Variants in HDAC2 observed in about 807,000 individuals in gnomAD.
HDAC2 encodes YY1-associated factor 1.
A neutral mutation model predicts 68.5 loss-of-function variants in HDAC2; 5 were observed. The ratio of observed to expected loss-of-function variants is 0.07; its 90% CI spans 0.04 to 0.15. HDAC2 has a LOEUF of 0.15. Ranked by LOEUF, HDAC2 falls within the 10% of genes least tolerant of loss-of-function variation. The pLI, the probability that HDAC2 is intolerant of heterozygous loss-of-function variation, is 1.00. For missense variants in HDAC2, 291 were observed against 600.8 expected, an observed-to-expected ratio of 0.48 and a Z score of 5.39; for synonymous variants, 182 against 191.3, an observed-to-expected ratio of 0.95 and a Z score of 0.40.
intron 6 of HDAC2, among the ~76,000 whole-genome samples, chr6:113,949,767 C>T (rs76308981): frequency 1.0e-3 from 156 of 152,130 alleles, no homozygotes; most frequent in African/African-American, 3.7e-3. Context: ...CAGCTACCGA[C>T]TAAAGCACCA....
intron 1 of HDAC2, among the ~76,000 whole-genome samples, chr6:113,962,734 C>T (rs192478215): frequency 3.6e-4 from 55 of 151,924 alleles, no homozygotes; most frequent in Non-Finnish European, 7.1e-4. Context: ...GAGGCCGAGG[C>T]GGGCAGATCA....
chr6:113,937,261 TCAG>T lies in HDAC2; in HGVS notation c.*3794_*3796del, dbSNP rs762465917. ...ATGAATCGCAGTTATCAAAAAAACT[TCAG>T]CAGTATTACTACATCAAAACCATAA... On this transcript the variant is annotated 3_prime_UTR_variant, in exon 14 of 14. Coordinates refer to ENST00000519065, the MANE Select transcript of HDAC2 (RefSeq NM_001527.4). 2 of 152,216 alleles carry T rather than the reference TCAG, an allele frequency of 1.3e-5. No individual in the cohort carries two copies. The highest frequency in any genetic ancestry group is 2.9e-5 in the Non-Finnish European group (2 of 68,038). The allele number at this position is 152,216 out of a possible 1,614,324, so 9.4% of individuals were successfully genotyped here.
At chr6:113,949,481 A>T (rs1351437365) in intron 6 of HDAC2, among the ~76,000 whole-genome samples, 2 of 152,016 alleles carry the variant, frequency 1.3e-5, no homozygotes, top group Non-Finnish European at 2.9e-5. Context: ...AGCATACAAG[A>T]ACCATTTTCA....
intron 5 of HDAC2, among the ~76,000 whole-genome samples, chr6:113,954,114 A>C (rs1171574341): frequency 6.6e-6 from 1 of 152,266 alleles, no homozygotes; most frequent in Non-Finnish European, 1.5e-5. Context: ...AACGCAGTTT[A>C]GGAGTCACAT....
At chr6:113,945,920 G>A in intron 9 of HDAC2, 88 bp downstream of exon 9, 4 of 994,504 alleles carry the variant, frequency 4.0e-6, no homozygotes, top group Non-Finnish European at 6.3e-6. Flanking sequence ...ACTTATGATG[G>A]GTTTATCAGG....
chr6:113,959,775 G>C (rs1270479791), intron 2 of HDAC2, 131 bp downstream of exon 2: 1 of 586,666 alleles, frequency 1.7e-6, no homozygotes, highest in East Asian at 2.8e-5. Flanking sequence ...AACGAAAAAA[G>C]AAGTTTGTTT....
At position 113,936,029 on chromosome 6, in the gene HDAC2, T is replaced by C. The variant is rs1357149378; in HGVS notation, c.*5029A>G. ...ATTCTGGCTCTAATATTCAGTTCCA[T>C]TTTGTCTGACTAGCAAAGTCACAAT... is the stretch of plus-strand genomic sequence containing the variant. On this transcript the variant is annotated 3_prime_UTR_variant, in exon 14 of 14. Transcript: ENST00000519065. 6.6e-6 allele frequency: 1 copy of C among 152,238 alleles called. No individual in the cohort carries two copies. Among genetic ancestry groups the C allele is most frequent in the East Asian group, 1.9e-4 (1 of 5,196 alleles). 9.4% of individuals were successfully genotyped at this position (152,238 alleles called of 1,614,324 possible). A position where few individuals can be genotyped will look rare whatever the true frequency, so the allele number is the denominator to read the frequency against.
chr6:113,951,173 T>C (rs182291077), intron 6 of HDAC2, among the ~76,000 whole-genome samples: 223 of 152,344 alleles, frequency 1.5e-3, no homozygotes, highest in African/African-American at 4.9e-3. Context: ...CCAGGTTTCA[T>C]TCTGCAACTG....
intron 1 of HDAC2, among the ~76,000 whole-genome samples, chr6:113,967,012 T>G (rs1776838750): frequency 6.6e-6 from 1 of 152,230 alleles, no homozygotes; most frequent in African/African-American, 2.4e-5. Flanking sequence ...TGTAGTTGTA[T>G]TAAAGGTTAT....
At chr6:113,969,433 T>C (rs1021605314) in intron 1 of HDAC2, among the ~76,000 whole-genome samples, 1 of 152,254 alleles carries the variant, frequency 6.6e-6, no homozygotes, top group African/African-American at 2.4e-5. Flanking sequence ...AGATTTATTC[T>C]GAGCTGGTGC....
At chr6:113,941,184 A>T in intron 13 of HDAC2, 96 bp from the exon 14 acceptor site, 2 of 811,744 alleles carry the variant, frequency 2.5e-6, no homozygotes, top group South Asian at 3.4e-5. Context: ...GGCTCATGCT[A>T]AGAAACACAT....
chr6:113,950,996 T>A (rs1036262330), intron 6 of HDAC2, among the ~76,000 whole-genome samples: 1 of 152,190 alleles, frequency 6.6e-6, no homozygotes, highest in Admixed American at 6.5e-5. Flanking sequence ...AGCCAAAGTA[T>A]TGTGAAAACT....
rs116344245 is a variant in HDAC2, at chr6:113,968,329, C to T, written c.52+2528G>A. 1.9e-3 allele frequency: 282 copies of T among 152,230 alleles called. 2 individuals carry two copies. The highest frequency in any genetic ancestry group is 6.6e-3 in the African/African-American group (275 of 41,534). The allele number at this position is 152,230 out of a possible 1,614,324, so 9.4% of individuals were successfully genotyped here. On this transcript the variant is annotated intron_variant, in intron 1 of 13. Transcript: ENST00000519065. ...TTCCCAATCCAATCCATGTTATATACCTTAAAGTCACGATTCTTTGATACA... is the reference window on the plus strand; with the variant it reads ...TTCCCAATCCAATCCATGTTATATATCTTAAAGTCACGATTCTTTGATACA...
At chr6:113,955,551 A>G (rs938266227) in intron 5 of HDAC2, among the ~76,000 whole-genome samples, 7 of 151,274 alleles carry the variant, frequency 4.6e-5, no homozygotes, top group African/African-American at 1.7e-4. Flanking sequence ...AGGGTCTCAC[A>G]CTGTTGCCCA....
intron 13 of HDAC2, among the ~76,000 whole-genome samples, chr6:113,941,433 A>G (rs1473873393): frequency 6.6e-6 from 1 of 152,156 alleles, no homozygotes; most frequent in Non-Finnish European, 1.5e-5. Flanking sequence ...CATGAAAACC[A>G]TTAAGTGCAT....
intron 1 of HDAC2, among the ~76,000 whole-genome samples, chr6:113,960,430 A>C (rs963462070): frequency 6.6e-6 from 1 of 152,028 alleles, no homozygotes; most frequent in Admixed American, 6.6e-5. Flanking sequence ...ATTTGCTGGC[A>C]TTTCAGAAAT....
chr6:113,933,048 G>T lies in HDAC2; in HGVS notation c.*8010C>A, dbSNP rs1418989700. ...AGAGATGGGTCTTTTTCCTTTATTT[G>T]AGCTTTGTCTTTCCCATGTATATTT... On this transcript the variant is annotated 3_prime_UTR_variant, in exon 14 of 14. Transcript: ENST00000519065. 6.6e-6 allele frequency: 1 copy of T among 152,054 alleles called. No homozygotes were observed. The highest frequency in any genetic ancestry group is 2.4e-5 in the African/African-American group (1 of 41,398). 9.4% of individuals were successfully genotyped at this position (152,054 alleles called of 1,614,324 possible).
chr6:113,944,170 A>T, intron 11 of HDAC2, 110 bp downstream of exon 11: 1 of 962,504 alleles, frequency 1.0e-6, no homozygotes, highest in South Asian at 1.4e-5. Context: ...AAATGACAAT[A>T]TTAACAGTGT....
rs764249665 is a variant in HDAC2 at position 113,970,948 on chromosome 6, G to C, written c.-40C>G. 1.0e-4 allele frequency: 130 copies of C among 1,262,732 alleles called. No individual in the cohort carries two copies. The Middle Eastern group carries it at 2.4e-3, about 23-fold the overall frequency. 78.2% of individuals were successfully genotyped at this position (1,262,732 alleles called of 1,614,324 possible). A position where few individuals can be genotyped will look rare whatever the true frequency, so the allele number is the denominator to read the frequency against. The stretch of plus-strand genomic sequence containing the variant: ...CCGCCGCCACCGGGCTCCTCCTCCT[G>C]CTGCTGCTGCTGCTGCTGCTGCCGC... On this transcript the variant is annotated 5_prime_UTR_variant, in exon 1 of 14. Coordinates refer to ENST00000519065, the MANE Select transcript of HDAC2 (RefSeq NM_001527.4).
Sources: gnomAD v4.1 joint callset for allele counts (sites outside exome capture counted in the v4.1 genomes callset) on GRCh38, gnomAD v4.1.1 for gene constraint, MANE v1.5 for transcripts, NCBI Gene and HGNC (gene_info 2026-07-23, HGNC 2026-07-21) for gene names.